The following APOL6 variants were observed in gnomAD, a reference collection of about 807,000 sequenced individuals.
APOL6 encodes the protein apolipoprotein L6, also known as apolipoprotein L, 6.
APOL6 carries 1 observed loss-of-function variant against 2.4 expected under a neutral mutation model. The observed-to-expected ratio is 0.41, with a 90% CI of 0.15 to 1.94. The LOEUF is 1.94. Ranked by LOEUF, APOL6 falls within the 30% of genes most tolerant of loss-of-function variation. The pLI is 0.30. For missense variants in APOL6, 438 were observed against 429.2 expected, an observed-to-expected ratio of 1.02 and a Z score of -0.18; for synonymous variants, 189 against 169.3, an observed-to-expected ratio of 1.12 and a Z score of -0.90.
intron 1 of APOL6, among the ~76,000 whole-genome samples, chr22:35,655,125 G>A (rs1168225452): frequency 6.6e-6 from 1 of 152,014 alleles, no homozygotes; most frequent in Non-Finnish European, 1.5e-5. Context: ...GTTGAAGGTG[G>A]CTATATAAGC....
In APOL6 at chr22:35,661,357, CA is replaced by C. The variant is rs60161381; in HGVS notation, c.*1785del. 0.087 allele frequency: 3,710 copies of C among 42,708 alleles called. 110 individuals are homozygous for C. Among genetic ancestry groups the C allele is most frequent in the African/African-American group, 0.24 (3,255 of 13,322 alleles). The allele number at this position is 42,708 out of a possible 1,614,324, so 2.6% of individuals were successfully genotyped here. ...TGGGTGTCAGAATGAGACCCCATCT[CA>C]AAAAAAAAAAAAAAAAAAAAAAAGA... On this transcript the variant is annotated 3_prime_UTR_variant, in exon 3 of 3. Transcript: ENST00000409652.
rs1298995669 is a variant in APOL6, at chr22:35,665,128, C to A, written c.*5532C>A. On this transcript the variant is annotated 3_prime_UTR_variant, in exon 3 of 3. Transcript: ENST00000409652. ...TATATATACACACACACACACACAC[C>A]CCAAAAGCTTTTATATAATCAAGTT... The A allele has an allele frequency of 1.3e-5, 2 of 149,246 alleles. No homozygotes were observed. Among genetic ancestry groups the A allele is most frequent in the South Asian group, 2.1e-4 (1 of 4,704 alleles). The allele number at this position is 149,246 out of a possible 1,614,324, so 9.2% of individuals were successfully genotyped here.
intron 1 of APOL6, among the ~76,000 whole-genome samples, chr22:35,655,745 GA>G (rs2145955627): frequency 6.6e-6 from 1 of 151,922 alleles, no homozygotes; most frequent in Non-Finnish European, 1.5e-5. Flanking sequence ...ATTAACGAGA[GA>G]AAACCAAGCA....
Position 35,664,957 on chromosome 22 carries a change from A to G in APOL6, c.*5361A>G, listed in dbSNP as rs560356792. 2.0e-5 allele frequency: 3 copies of G among 152,054 alleles called. No individual in the cohort carries two copies. The East Asian group carries it at 5.8e-4, about 29-fold the overall frequency. 9.4% of individuals were successfully genotyped at this position (152,054 alleles called of 1,614,324 possible). Reference sequence around the variant, plus strand: ...AAGGTTAAAAAGCTGAAAAAGAAATAATTTTATATAAGAAAGAATTTTATA... The same window carrying G: ...AAGGTTAAAAAGCTGAAAAAGAAATGATTTTATATAAGAAAGAATTTTATA... On this transcript the variant is annotated 3_prime_UTR_variant, in exon 3 of 3. Coordinates refer to ENST00000409652, the MANE Select transcript of APOL6 (RefSeq NM_030641.4).
intron 2 of APOL6, 62 bp downstream of exon 2, chr22:35,656,537 C>A: frequency 6.3e-7 from 1 of 1,584,938 alleles, no homozygotes; most frequent in Non-Finnish European, 8.7e-7. Flanking sequence ...TGCAGGCATC[C>A]TCACGATAAG....
In APOL6 at chr22:35,658,990, G is replaced by A. The variant is rs780185172; in HGVS notation, c.426G>A (p.Ala142=). The change falls in exon 3 of 3, where the codon GCG becomes GCA. Residue 142 remains alanine, a synonymous_variant. Transcript: ENST00000409652. Reference sequence around the variant, plus strand: ...AAAATAAAGAAGCCCAAGCACGGGCGGAAGACATACTGCCCACCTACGACC... The same window carrying A: ...AAAATAAAGAAGCCCAAGCACGGGCAGAAGACATACTGCCCACCTACGACC... The part of the protein sequence containing the change: ...RSKNKEAQAR[A]EDILPTYDQE... 51 of 1,613,740 alleles carry A rather than the reference G, an allele frequency of 3.2e-5. No individual in the cohort carries two copies. The highest frequency in any genetic ancestry group is 1.1e-4 in the South Asian group (10 of 91,078).
At chr22:35,654,241 T>A (rs1924780537) in intron 1 of APOL6, among the ~76,000 whole-genome samples, 1 of 152,114 alleles carries the variant, frequency 6.6e-6, no homozygotes, top group Non-Finnish European at 1.5e-5. Context: ...AAAGAAACTA[T>A]GGGCCATTTG....
In APOL6 at chr22:35,659,165, A is replaced by C; in HGVS notation, c.601A>C (p.Thr201Pro). Residue 201 changes from threonine (T) to proline (P), a missense_variant, in exon 3 of 3, where the codon ACC becomes CCC. Coordinates refer to ENST00000409652, the MANE Select transcript of APOL6 (RefSeq NM_030641.4). ...AGCCAACCCACGCTTGGCCAATGCT[A>C]CCAAGCGTCTTCTGACCACTGGCCA... Reference protein sequence around the residue: ...LRANPRLANATKRLLTTGQVS... With the variant: ...LRANPRLANAPKRLLTTGQVS... 3.7e-6 allele frequency: 6 copies of C among 1,614,170 alleles called. No individual in the cohort carries two copies. The highest frequency in any genetic ancestry group is 4.2e-6 in the Non-Finnish European group (5 of 1,180,038).
intron 2 of APOL6, among the ~76,000 whole-genome samples, chr22:35,657,855 G>T (rs1179079806): frequency 6.6e-6 from 1 of 152,200 alleles, no homozygotes; most frequent in African/African-American, 2.4e-5. Context: ...CTGCCTTGAA[G>T]GTCAAAGCCA....
Position 35,663,886 on chromosome 22 carries a change from C to A in APOL6, c.*4290C>A, listed in dbSNP as rs987704022. ...CATTATAAATCTATAAAATGTACTT[C>A]TATTGGCATGCCTAATACGTCTTTA... On this transcript the variant is annotated 3_prime_UTR_variant, in exon 3 of 3. Coordinates refer to ENST00000409652, the MANE Select transcript of APOL6 (RefSeq NM_030641.4). 1.3e-5 allele frequency: 2 copies of A among 152,080 alleles called. No homozygotes were observed. The highest frequency in any genetic ancestry group is 1.3e-4 in the Admixed American group (2 of 15,274). The allele number at this position is 152,080 out of a possible 1,614,324, so 9.4% of individuals were successfully genotyped here. A position where few individuals can be genotyped will look rare whatever the true frequency, so the allele number is the denominator to read the frequency against.
chr22:35,659,171 C>T lies in APOL6; in HGVS notation c.607C>T (p.Arg203Cys), dbSNP rs201496034. The T allele has an allele frequency of 2.5e-5, 40 of 1,614,196 alleles. No homozygotes were observed. Among genetic ancestry groups the T allele is most frequent in the Middle Eastern group, 1.6e-4 (1 of 6,062 alleles). ...CCCACGCTTGGCCAATGCTACCAAG[C>T]GTCTTCTGACCACTGGCCAAGTCTC... ...ANPRLANATK[R>C]LLTTGQVSSR... is the part of the protein sequence containing the mutation. The change falls in exon 3 of 3, where the codon CGT (arginine) becomes TGT (cysteine). Residue 203 changes from arginine to cysteine, a missense_variant. Arg to Cys is a radical substitution (Grantham distance 180). Transcript: ENST00000409652.
chr22:35,654,830 G>A (rs888943273), intron 1 of APOL6, among the ~76,000 whole-genome samples: 4 of 152,222 alleles, frequency 2.6e-5, no homozygotes, highest in Admixed American at 1.3e-4. Flanking sequence ...CAATTAAGAA[G>A]CAGCAGATGC....
rs1924969909 is a variant in APOL6, at chr22:35,659,752, C to G, written c.*156C>G. 8.4e-7 allele frequency: 1 copy of G among 1,183,976 alleles called. No homozygotes were observed. Among genetic ancestry groups the G allele is most frequent in the Admixed American group, 2.8e-5 (1 of 36,138 alleles). The allele number at this position is 1,183,976 out of a possible 1,614,324, so 73.3% of individuals were successfully genotyped here. A position where few individuals can be genotyped will look rare whatever the true frequency, so the allele number is the denominator to read the frequency against. On this transcript the variant is annotated 3_prime_UTR_variant, in exon 3 of 3. Coordinates refer to ENST00000409652, the MANE Select transcript of APOL6 (RefSeq NM_030641.4). ...CCTATGTGCTGGGAAAAGGGTCTTC[C>G]CTGTTTGTTTGTTTGTTTGTTTGTT...
chr22:35,649,037 T>C (rs1159463888), intron 1 of APOL6, among the ~76,000 whole-genome samples: 1 of 152,132 alleles, frequency 6.6e-6, no homozygotes, highest in African/African-American at 2.4e-5. Context: ...AAAAAGGTGC[T>C]GGGTGAGTTG....
At chr22:35,657,126 C>T (rs1924865812) in intron 2 of APOL6, among the ~76,000 whole-genome samples, 1 of 152,186 alleles carries the variant, frequency 6.6e-6, no homozygotes, top group Non-Finnish European at 1.5e-5. Context: ...AAAAACTTTA[C>T]AGTTCATACA....
At position 35,659,649 on chromosome 22, in the gene APOL6, G is replaced by A. The variant is rs748790144; in HGVS notation, c.*53G>A. ...GCCTTGGAGGTCCAAATAATATCAAGTACATCTTGGAGATGAGGGTGCCTG... is the reference window on the plus strand; with the variant it reads ...GCCTTGGAGGTCCAAATAATATCAAATACATCTTGGAGATGAGGGTGCCTG... On this transcript the variant is annotated 3_prime_UTR_variant, in exon 3 of 3. Transcript: ENST00000409652. 6 of 1,504,976 alleles carry A rather than the reference G, an allele frequency of 4.0e-6. No individual in the cohort carries two copies. Among genetic ancestry groups the A allele is most frequent in the Non-Finnish European group, 5.3e-6 (6 of 1,124,758 alleles). 93.2% of individuals were successfully genotyped at this position (1,504,976 alleles called of 1,614,324 possible). A position where few individuals can be genotyped will look rare whatever the true frequency, so the allele number is the denominator to read the frequency against.
chr22:35,656,024 A>G (rs1474434638), intron 1 of APOL6, among the ~76,000 whole-genome samples: 3 of 152,162 alleles, frequency 2.0e-5, no homozygotes, highest in Admixed American at 6.5e-5. Context: ...TTGTCAATTT[A>G]TGTCTTGCTT....
intron 1 of APOL6, among the ~76,000 whole-genome samples, chr22:35,655,243 C>G (rs888243936): frequency 6.6e-6 from 1 of 152,156 alleles, no homozygotes; most frequent in Non-Finnish European, 1.5e-5. Context: ...TCTTATGAAT[C>G]TGTCTTGGGT....
At chr22:35,648,644 CG>C (rs1269861549) in intron 1 of APOL6, 21 bp downstream of exon 1, 22 of 152,242 alleles carry the variant, frequency 1.4e-4, no homozygotes, top group African/African-American at 5.1e-4. Context: ...GGGCAGAAGT[CG>C]GGGGAGGAGG....
Sources: gnomAD v4.1 joint callset for allele counts (sites outside exome capture counted in the v4.1 genomes callset) on GRCh38, gnomAD v4.1.1 for gene constraint, MANE v1.5 for transcripts, NCBI Gene and HGNC (gene_info 2026-07-23, HGNC 2026-07-21) for gene names.